Variants in PCDHGA1 observed in about 807,000 individuals in gnomAD.
PCDHGA1 encodes the protein protocadherin gamma subfamily A, 1, also known as protocadherin gamma-A1.
PCDHGA1 carries 32 observed loss-of-function variants against 58.0 expected under a neutral mutation model. The ratio of observed to expected loss-of-function variants is 0.55; its 90% confidence interval spans 0.42 to 0.74. PCDHGA1 has a LOEUF of 0.74. PCDHGA1 is among the 30% of genes least tolerant of loss of function. The pLI, the probability that PCDHGA1 is intolerant of heterozygous loss-of-function variation, is 0.00. For missense variants in PCDHGA1, 1,205 were observed against 1,182.3 expected (o/e 1.02, Z -0.28); for synonymous variants, 498 against 501.1 (o/e 0.99, Z 0.08).
chr5:141,370,525 G>A, intron 1 of PCDHGA1: 2 of 1,613,874 alleles, frequency 1.2e-6, no homozygotes, highest in South Asian at 1.1e-5. Context: ...CTGGACAGGG[G>A]CTCGCTGGTA....
chr5:141,501,664 TATAG>T (rs1161034391), intron 2 of PCDHGA1, among the ~76,000 whole-genome samples: 1 of 152,064 alleles, frequency 6.6e-6, no homozygotes, highest in East Asian at 1.9e-4. Flanking sequence ...TGTTGGAAAA[TATAG>T]ATAATCACAA....
chr5:141,431,719 A>G lies in PCDHGA1; in HGVS notation c.2422-63088A>G. On this transcript the variant is annotated intron_variant, in intron 1 of 3. Transcript: ENST00000517417. This position sits in a 1 kb window ranked among gnomAD's most constrained non-coding sequence, Gnocchi z 4.8. ...CAGGATTCTACCAGATGGAAGTGCA[A>G]GCAATGGATAATGCAGGATATTCTG... 6.2e-7 allele frequency: 1 copy of G among 1,614,244 alleles called. No individual in the cohort carries two copies. Among genetic ancestry groups the G allele is most frequent in the Non-Finnish European group, 8.5e-7 (1 of 1,180,050 alleles).
chr5:141,372,168 G>T, intron 1 of PCDHGA1: 1 of 1,613,754 alleles, frequency 6.2e-7, no homozygotes. Flanking sequence ...GACCAAGGTG[G>T]TGGCGGTGGA....
chr5:141,458,694 C>T (rs905547768), intron 1 of PCDHGA1, among the ~76,000 whole-genome samples: 3 of 152,018 alleles, frequency 2.0e-5, no homozygotes, highest in Non-Finnish European at 2.9e-5. Flanking sequence ...CTCAGCCTCC[C>T]GAGTAGCTGG....
At chr5:141,451,880 A>G (rs1322052501) in intron 1 of PCDHGA1, among the ~76,000 whole-genome samples, 1 of 152,106 alleles carries the variant, frequency 6.6e-6, no homozygotes, top group East Asian at 1.9e-4. Flanking sequence ...AACCCTGTCA[A>G]GAAAGAAAGG....
intron 1 of PCDHGA1, chr5:141,410,249 G>A (rs371076854): frequency 1.2e-6 from 2 of 1,613,992 alleles, no homozygotes; most frequent in Non-Finnish European, 8.5e-7. Flanking sequence ...TGTACTCTCT[G>A]ACCCCCAGGC....
Position 141,464,191 on chromosome 5 carries a change from G to C in PCDHGA1, c.2422-30616G>C, listed in dbSNP as rs185888723. Among the ~76,000 whole-genome samples, 583 of 151,818 alleles carry C rather than the reference G, an allele frequency of 3.8e-3. 6 individuals are homozygous for C. Among genetic ancestry groups the C allele is most frequent in the Admixed American group, 0.011 (166 of 15,202 alleles). On this transcript the variant is annotated intron_variant, in intron 1 of 3. Transcript: ENST00000517417. ...GAGGCAGGAGAATTGCTTGATTTCA[G>C]GAGGCGGAGATTGCAGTGAGCTGAG...
intron 2 of PCDHGA1, among the ~76,000 whole-genome samples, chr5:141,503,518 G>A (rs576791899): frequency 6.7e-6 from 1 of 149,524 alleles, no homozygotes; most frequent in East Asian, 2.0e-4. Flanking sequence ...AGAATCACTT[G>A]AACCTGGGAG....
Position 141,490,140 on chromosome 5 carries a change from G to T in PCDHGA1, c.2422-4667G>T. On this transcript the variant is annotated intron_variant, in intron 1 of 3. Transcript: ENST00000517417. This position sits in a 1 kb window ranked among gnomAD's most constrained non-coding sequence, Gnocchi z 5.4. Reference sequence around the variant, plus strand: ...TCTTTGGCCTAGACCCTAGCAGTGGGGCAATCCATGTGTTGGGTCCCATAG... The same window carrying T: ...TCTTTGGCCTAGACCCTAGCAGTGGTGCAATCCATGTGTTGGGTCCCATAG... 1 of 1,614,206 alleles carries T rather than the reference G, an allele frequency of 6.2e-7. No homozygotes were observed. The highest frequency in any genetic ancestry group is 8.5e-7 in the Non-Finnish European group (1 of 1,180,026).
chr5:141,404,897 C>T, intron 1 of PCDHGA1: 2 of 1,613,920 alleles, frequency 1.2e-6, no homozygotes, highest in Non-Finnish European at 1.7e-6. Flanking sequence ...TGTACAGGAC[C>T]ATGGCCAGCC....
intron 1 of PCDHGA1, among the ~76,000 whole-genome samples, chr5:141,459,804 C>G (rs2098975712): frequency 6.6e-6 from 1 of 152,192 alleles, no homozygotes; most frequent in Non-Finnish European, 1.5e-5. Context: ...TCCCTGTTGA[C>G]TAGAGACACT....
chr5:141,438,319 T>C (rs934592523), intron 1 of PCDHGA1, among the ~76,000 whole-genome samples: 1 of 151,982 alleles, frequency 6.6e-6, no homozygotes, highest in African/African-American at 2.4e-5. Flanking sequence ...CACCATAATT[T>C]TTCTTATACA....
intron 1 of PCDHGA1, chr5:141,409,257 T>C: frequency 6.2e-7 from 1 of 1,614,022 alleles, no homozygotes; most frequent in Non-Finnish European, 8.5e-7. Flanking sequence ...ATCACTTCTC[T>C]CTCTGATCAG....
At position 141,347,288 on chromosome 5, in the gene PCDHGA1, G is replaced by T. The variant is rs113039525; in HGVS notation, c.2421+14183G>T. Among the ~76,000 whole-genome samples the T allele has an allele frequency of 9.0e-3, 1,364 of 151,872 alleles. 21 individuals are homozygous for T. Among genetic ancestry groups the T allele is most frequent in the African/African-American group, 0.031 (1,293 of 41,352 alleles). ...CCCACCTCAGCCTCCCGAGTAGCTG[G>T]GACTACAGGCACGAGCCACCCTCCC... is the stretch of plus-strand genomic sequence containing the variant. On this transcript the variant is annotated intron_variant, in intron 1 of 3. Transcript: ENST00000517417.
At chr5:141,382,105 G>A (rs1265846285) in intron 1 of PCDHGA1, among the ~76,000 whole-genome samples, 7 of 152,166 alleles carry the variant, frequency 4.6e-5, no homozygotes, top group African/African-American at 1.7e-4. Flanking sequence ...TGGGATTACA[G>A]GCGTGAGCAA....
Position 141,332,566 on chromosome 5 carries a change from A to G in PCDHGA1, c.1882A>G (p.Thr628Ala). 1 of 1,612,384 alleles carries G rather than the reference A, an allele frequency of 6.2e-7. No individual in the cohort carries two copies. The highest frequency in any genetic ancestry group is 1.3e-5 in the African/African-American group (1 of 74,988). ...SVGLHTGEVRTARALLDRDAL... is the reference protein window; with the variant it reads ...SVGLHTGEVRAARALLDRDAL... Reference sequence around the variant, plus strand: ...GGGTCTGCACACGGGCGAGGTGCGCACGGCGCGAGCCCTGCTGGACAGAGA... The same window carrying G: ...GGGTCTGCACACGGGCGAGGTGCGCGCGGCGCGAGCCCTGCTGGACAGAGA... Residue 628 changes from threonine (T) to alanine (A), a missense_variant, in exon 1 of 4, where the codon ACG (threonine) becomes GCG (alanine). Physicochemically the swap from Thr to Ala is moderately conservative, Grantham distance 58 (BLOSUM62 0). Coordinates refer to ENST00000517417, the MANE Select transcript of PCDHGA1 (RefSeq NM_018912.3). This position sits in a 1 kb window ranked among gnomAD's most constrained non-coding sequence, Gnocchi z 4.6.
At chr5:141,369,815 G>A (rs1204825120) in intron 1 of PCDHGA1, among the ~76,000 whole-genome samples, 2 of 152,150 alleles carry the variant, frequency 1.3e-5, no homozygotes, top group South Asian at 2.1e-4. Flanking sequence ...ACCAAAAATA[G>A]CTTCCATTTG....
In PCDHGA1 at chr5:141,331,010, T is replaced by C. The variant is rs752641059; in HGVS notation, c.326T>C (p.Leu109Pro). 6.2e-7 allele frequency: 1 copy of C among 1,614,208 alleles called. No individual in the cohort carries two copies. Among genetic ancestry groups the C allele is most frequent in the Non-Finnish European group, 8.5e-7 (1 of 1,180,036 alleles). Residue 109 changes from leucine (L) to proline (P), a missense_variant, in exon 1 of 4, where the codon CTT (leucine) becomes CCT (proline). Transcript: ENST00000517417. Reference sequence around the variant, plus strand: ...CCGTGTCTCGTGAGTTTTAATATCCTTGTTGAGGATAAAATGAAGCTTTTT... The same window carrying C: ...CCGTGTCTCGTGAGTTTTAATATCCCTGTTGAGGATAAAATGAAGCTTTTT... ...SMPCLVSFNI[L>P]VEDKMKLFPV...
chr5:141,434,747 C>T (rs2097714000), intron 1 of PCDHGA1, among the ~76,000 whole-genome samples: 1 of 151,606 alleles, frequency 6.6e-6, no homozygotes, highest in South Asian at 2.1e-4. Flanking sequence ...GCTATGAGAC[C>T]CCTGATTCCC....
Sources: gnomAD v4.1 joint callset for allele counts (sites outside exome capture counted in the v4.1 genomes callset) on GRCh38, gnomAD v4.1.1 for gene constraint, Gnocchi (gnomAD v3.1) non-coding constraint, MANE v1.5 for transcripts, NCBI Gene and HGNC (gene_info 2026-07-23, HGNC 2026-07-21) for gene names.